The following DLGAP4 variants were observed in gnomAD, a reference collection of about 807,000 sequenced individuals.
DLGAP4 encodes the protein DLG associated protein 4.
In DLGAP4, 18 loss-of-function variants were observed where a neutral mutation model predicts 86.9. The observed-to-expected ratio is 0.21, with a 90% CI of 0.14 to 0.31. The LOEUF (loss-of-function observed/expected upper bound fraction) is 0.31, where lower values mean the gene tolerates loss of function less well. Among genes scored for constraint, DLGAP4 ranks in the 10% least tolerant of loss-of-function variants. The pLI is 1.00. For missense variants in DLGAP4, 1,085 were observed against 1,362.6 expected, an observed-to-expected ratio of 0.80 and a Z score of 3.21; for synonymous variants, 548 against 574.3, an observed-to-expected ratio of 0.95 and a Z score of 0.65.
At chr20:36,320,792 G>A (rs62213218) in intron 1 of DLGAP4, among the ~76,000 whole-genome samples, 1,761 of 152,170 alleles carry the variant, frequency 0.012, 14 homozygotes, top group Middle Eastern at 0.034. Context: ...GACTTTGGAC[G>A]GGTCTCCCTC....
At chr20:36,335,859 C>T (rs2065316347) in intron 1 of DLGAP4, among the ~76,000 whole-genome samples, 1 of 152,186 alleles carries the variant, frequency 6.6e-6, no homozygotes, top group Non-Finnish European at 1.5e-5. Context: ...CAAGCATCCC[C>T]TCTTAGGGGC....
chr20:36,462,181 G>A (rs917623443), intron 7 of DLGAP4: 1 of 1,058,872 alleles, frequency 9.4e-7, no homozygotes, highest in Non-Finnish European at 1.1e-6. Flanking sequence ...TAGGTCCCAA[G>A]TTGGGGTCTT....
At chr20:36,389,148 T>C (rs186334032) in intron 2 of DLGAP4, among the ~76,000 whole-genome samples, 66 of 152,304 alleles carry the variant, frequency 4.3e-4, no homozygotes, top group African/African-American at 1.4e-3. Flanking sequence ...AGTGGAGATG[T>C]TGAGTTGAAA....
At chr20:36,421,641 C>A (rs150216793) in intron 2 of DLGAP4, among the ~76,000 whole-genome samples, 3 of 151,990 alleles carry the variant, frequency 2.0e-5, no homozygotes, top group African/African-American at 7.2e-5. Flanking sequence ...GTTTGTGCTG[C>A]TGAATGGGAT....
intron 7 of DLGAP4, chr20:36,461,666 CG>C: frequency 2.9e-5 from 5 of 172,554 alleles, no homozygotes; most frequent in Non-Finnish European, 4.9e-5. Context: ...CCGCCCCGCC[CG>C]GCCCGGCCCG....
intron 10 of DLGAP4, among the ~76,000 whole-genome samples, chr20:36,521,934 T>C (rs1384031269): frequency 6.6e-6 from 1 of 152,220 alleles, no homozygotes; most frequent in African/African-American, 2.4e-5. Context: ...GAATTCTTTC[T>C]TGATGAGCTC....
intron 1 of DLGAP4, among the ~76,000 whole-genome samples, chr20:36,347,314 T>G (rs1328936192): frequency 6.6e-6 from 1 of 151,958 alleles, no homozygotes; most frequent in African/African-American, 2.4e-5. Context: ...CTATTGGGGC[T>G]TAGAGGGAGG....
At chr20:36,499,806 GTGGTGGCCCAGGCATGGGA>G in intron 9 of DLGAP4, 130 bp downstream of exon 9, 1 of 864,740 alleles carries the variant, frequency 1.2e-6, no homozygotes, top group African/African-American at 1.7e-5. Context: ...TGGGTTGCGG[GTGGTGGCCCAGGCATGGGA>G]GGCTGGGCAG....
chr20:36,471,461 T>G (rs942117813), intron 7 of DLGAP4, among the ~76,000 whole-genome samples: 4 of 152,078 alleles, frequency 2.6e-5, no homozygotes, highest in Admixed American at 2.0e-4. Context: ...ACCTCTGCAC[T>G]CCAGCCTGGG....
At chr20:36,444,885 C>A (rs1252583430) in intron 6 of DLGAP4, among the ~76,000 whole-genome samples, 1 of 151,836 alleles carries the variant, frequency 6.6e-6, no homozygotes, top group Admixed American at 6.6e-5. Context: ...AGTGATCTAC[C>A]CACCTTGGCG....
intron 2 of DLGAP4, among the ~76,000 whole-genome samples, chr20:36,414,587 G>A (rs553774527): frequency 6.6e-6 from 1 of 152,344 alleles, no homozygotes; most frequent in Non-Finnish European, 1.5e-5. Flanking sequence ...GTGACCTTGG[G>A]CAAGTGTCAG....
Position 36,527,117 on chromosome 20 carries a change from C to CTATGGTTATT in DLGAP4, c.*87_*96dup. ...CGGAACAGAGTTTTCTCAACCTTTG[C>CTATGGTTATT]TATGGTTATTCTGTCTAGAGACCCT... On this transcript the variant is annotated 3_prime_UTR_variant, in exon 13 of 13. Coordinates refer to ENST00000339266, the MANE Select transcript of DLGAP4 (RefSeq NM_001365621.2). 2.2e-6 allele frequency: 3 copies of CTATGGTTATT among 1,366,978 alleles called. No homozygotes were observed. The highest frequency in any genetic ancestry group is 3.0e-6 in the Non-Finnish European group (3 of 1,015,110). The allele number at this position is 1,366,978 out of a possible 1,614,324, so 84.7% of individuals were successfully genotyped here.
chr20:36,370,433 C>A (rs2030881382), intron 2 of DLGAP4, among the ~76,000 whole-genome samples: 1 of 147,058 alleles, frequency 6.8e-6, no homozygotes, highest in Non-Finnish European at 1.5e-5. Flanking sequence ...TTATGGTGAG[C>A]TGAGATTGCA....
intron 8 of DLGAP4, chr20:36,499,211 T>C (rs77658372): frequency 3.3e-6 from 2 of 600,844 alleles, no homozygotes; most frequent in Non-Finnish European, 4.7e-6. Context: ...TTCGTCGTCC[T>C]TTTTTTTTTT....
Position 36,500,430 on chromosome 20 carries a change from G to T in DLGAP4, c.2331G>T (p.Leu777=). The T allele has an allele frequency of 6.3e-7, 1 of 1,575,164 alleles. No homozygotes were observed. The highest frequency in any genetic ancestry group is 8.6e-7 in the Non-Finnish European group (1 of 1,157,660). ...ACCCTGCCCTAGAGGCGTCCTCGCTGCCCCCACCCGACCCCTGGCTCGAGA... is the reference window on the plus strand; with the variant it reads ...ACCCTGCCCTAGAGGCGTCCTCGCTTCCCCCACCCGACCCCTGGCTCGAGA... ...NSDPALEASS[L]PPPDPWLETS... Residue 777 remains leucine (L), a synonymous_variant, in exon 10 of 13, where the codon CTG becomes CTT. Coordinates refer to ENST00000339266, the MANE Select transcript of DLGAP4 (RefSeq NM_001365621.2). This position sits in a 1 kb window ranked among gnomAD's most constrained non-coding sequence, Gnocchi z 4.6.
chr20:36,481,986 A>G (rs1042567172), intron 7 of DLGAP4, among the ~76,000 whole-genome samples: 1 of 152,068 alleles, frequency 6.6e-6, no homozygotes, highest in African/African-American at 2.4e-5. Context: ...CTCTGAGGGA[A>G]AAAAAATCCC....
At chr20:36,503,295 A>C (rs2036221089) in intron 10 of DLGAP4, among the ~76,000 whole-genome samples, 1 of 152,168 alleles carries the variant, frequency 6.6e-6, no homozygotes, top group African/African-American at 2.4e-5. Flanking sequence ...AATGGCACTT[A>C]GTGTATTCAC....
chr20:36,371,056 G>A (rs2030912383), intron 2 of DLGAP4, among the ~76,000 whole-genome samples: 1 of 152,216 alleles, frequency 6.6e-6, no homozygotes, highest in Non-Finnish European at 1.5e-5. Context: ...CACACAGACA[G>A]TGGGTAGTGG....
At chr20:36,408,683 C>G (rs1174094987) in intron 2 of DLGAP4, among the ~76,000 whole-genome samples, 1 of 152,216 alleles carries the variant, frequency 6.6e-6, no homozygotes, top group African/African-American at 2.4e-5. Flanking sequence ...GAGGTCAGGT[C>G]AGGTCATGCC....
Sources: allele counts gnomAD v4.1 joint callset (sites outside exome capture counted in the v4.1 genomes callset), GRCh38; gene constraint gnomAD v4.1.1; non-coding constraint Gnocchi (gnomAD v3.1); transcripts MANE v1.5; gene names NCBI Gene and HGNC (gene_info 2026-07-23, HGNC 2026-07-21).